CPA6: variants seen among roughly 807,000 people sequenced by gnomAD.
The protein encoded by CPA6 is carboxypeptidase A6.
CPA6 carries 58 observed loss-of-function variants against 63.3 expected under a neutral mutation model. The observed-to-expected ratio is 0.92, with a 90% CI of 0.74 to 1.14. CPA6 has a LOEUF of 1.14. Ranked by LOEUF, CPA6 falls within the 50% of genes most tolerant of loss-of-function variation. CPA6 has a pLI of 0.00. For synonymous variants in CPA6, 185 were observed against 179.0 expected, an observed-to-expected ratio of 1.03 and a Z score of -0.27; for missense variants, 565 against 526.6, an observed-to-expected ratio of 1.07 and a Z score of -0.71.
At chr8:67,723,512 G>A (rs754101917) in intron 1 of CPA6, among the ~76,000 whole-genome samples, 1 of 152,122 alleles carries the variant, frequency 6.6e-6, no homozygotes, top group Admixed American at 6.5e-5. Flanking sequence ...TTTCCGAAGA[G>A]GTTATAACAA....
At chr8:67,657,287 G>A (rs910502739) in intron 1 of CPA6, among the ~76,000 whole-genome samples, 3 of 152,180 alleles carry the variant, frequency 2.0e-5, no homozygotes, top group African/African-American at 7.2e-5. Flanking sequence ...CAGCAGACTT[G>A]TGATTGTGAA....
intron 1 of CPA6, among the ~76,000 whole-genome samples, chr8:67,677,342 C>CTT (rs35049117): frequency 0.16 from 20,353 of 128,186 alleles, 1,813 homozygotes; most frequent in South Asian, 0.31. Flanking sequence ...AAAACACCTT[C>CTT]TTTTTTTTTT....
intron 1 of CPA6, among the ~76,000 whole-genome samples, chr8:67,685,472 A>G (rs1816691339): frequency 6.6e-6 from 1 of 152,122 alleles, no homozygotes. Context: ...AAAAAAAATT[A>G]GCCGGGCATG....
intron 2 of CPA6, among the ~76,000 whole-genome samples, chr8:67,597,455 A>C (rs753179041): frequency 3.6e-4 from 54 of 151,960 alleles, no homozygotes; most frequent in Non-Finnish European, 5.3e-4. Context: ...CGGCCTCCTA[A>C]AGCGCTGGGA....
intron 1 of CPA6, among the ~76,000 whole-genome samples, chr8:67,669,424 A>C (rs1816297129): frequency 1.3e-5 from 2 of 152,228 alleles, no homozygotes; most frequent in South Asian, 4.1e-4. Flanking sequence ...CAAATTATAC[A>C]TGCTCACCCA....
intron 2 of CPA6, among the ~76,000 whole-genome samples, chr8:67,552,797 A>G (rs1030721748): frequency 2.7e-4 from 41 of 149,870 alleles, no homozygotes; most frequent in African/African-American, 9.0e-4. Context: ...AAAAAAAAAA[A>G]AAAAGAAAAG....
intron 9 of CPA6, 38 bp from the exon 10 acceptor site, chr8:67,428,169 A>T (rs1809938487): frequency 7.7e-7 from 1 of 1,306,092 alleles, no homozygotes; most frequent in East Asian, 2.3e-5. Flanking sequence ...ATATTGTTGC[A>T]TTGAAACTTT....
At chr8:67,604,746 A>T (rs1814584408) in intron 2 of CPA6, among the ~76,000 whole-genome samples, 1 of 152,144 alleles carries the variant, frequency 6.6e-6, no homozygotes, top group Non-Finnish European at 1.5e-5. Flanking sequence ...AGATTAGAGA[A>T]AAATCTGTGG....
chr8:67,687,275 G>A (rs1467009461), intron 1 of CPA6, among the ~76,000 whole-genome samples: 1 of 152,174 alleles, frequency 6.6e-6, no homozygotes, highest in Non-Finnish European at 1.5e-5. Flanking sequence ...AGCCAACCAG[G>A]ATGGTTGGTC....
intron 1 of CPA6, among the ~76,000 whole-genome samples, chr8:67,653,102 C>T (rs1815887852): frequency 6.6e-6 from 1 of 151,948 alleles, no homozygotes; most frequent in Non-Finnish European, 1.5e-5. Flanking sequence ...TGATCTATAT[C>T]TCTGTTTTGG....
chr8:67,559,923 G>T (rs1006995282), intron 2 of CPA6, among the ~76,000 whole-genome samples: 3 of 151,342 alleles, frequency 2.0e-5, no homozygotes, highest in Non-Finnish European at 4.4e-5. Flanking sequence ...AGGCCCCAAG[G>T]AGCTCTCATG....
intron 2 of CPA6, among the ~76,000 whole-genome samples, chr8:67,546,891 T>C (rs11781776): frequency 0.99 from 150,925 of 152,120 alleles, 74,874 homozygotes; most frequent in East Asian, 1. Context: ...AGTAGCACAT[T>C]ACAGCTCACG....
chr8:67,690,322 T>C (rs1816790791), intron 1 of CPA6, among the ~76,000 whole-genome samples: 1 of 152,198 alleles, frequency 6.6e-6, no homozygotes, highest in Non-Finnish European at 1.5e-5. Context: ...AAGATGTCGA[T>C]GGCAACAGAA....
chr8:67,464,751 A>G (rs1377786751), intron 8 of CPA6, among the ~76,000 whole-genome samples: 2 of 152,216 alleles, frequency 1.3e-5, no homozygotes, highest in African/African-American at 2.4e-5. Context: ...TCTCAGCATC[A>G]TTTATTGAAT....
At chr8:67,673,079 A>G (rs540601097) in intron 1 of CPA6, among the ~76,000 whole-genome samples, 1 of 152,166 alleles carries the variant, frequency 6.6e-6, no homozygotes, top group South Asian at 2.1e-4. Context: ...AGAAATATAC[A>G]AAGATGAACT....
rs763437474 is a variant in CPA6, at chr8:67,506,888, G to T, written c.535C>A (p.Leu179Met). ...YEGRSLFILK[L>M]GRRSRLKRAV... is the part of the protein sequence containing the mutation. ...CTTTTGAGTCGTGATCGTCTGCCCA[G>T]CTGAAAACAAGAGCATTCACAGTAA... Residue 179 changes from leucine to methionine, a missense_variant and splice_region_variant, in exon 6 of 11, where the codon CTG becomes ATG. Coordinates refer to ENST00000297770, the MANE Select transcript of CPA6 (RefSeq NM_020361.5). 3.7e-6 allele frequency: 6 copies of T among 1,610,852 alleles called. No homozygotes were observed. In the Admixed American group the frequency reaches 1.0e-4, roughly 27 times the overall value.
At chr8:67,444,209 C>G (rs571458990) in intron 8 of CPA6, among the ~76,000 whole-genome samples, 1 of 151,790 alleles carries the variant, frequency 6.6e-6, no homozygotes. Flanking sequence ...AGCTTGGTCT[C>G]GATCTCCCGA....
intron 1 of CPA6, among the ~76,000 whole-genome samples, chr8:67,651,632 G>A (rs901724247): frequency 6.6e-6 from 1 of 151,926 alleles, no homozygotes; most frequent in African/African-American, 2.4e-5. Flanking sequence ...TTTGGTTTCG[G>A]TTTTCCTTAC....
intron 2 of CPA6, among the ~76,000 whole-genome samples, chr8:67,548,395 A>G (rs1812869664): frequency 6.6e-6 from 1 of 151,244 alleles, no homozygotes; most frequent in Non-Finnish European, 1.5e-5. Context: ...GGGACTACAG[A>G]CACGTGCCAC....
Sources: allele counts gnomAD v4.1 joint callset (sites outside exome capture counted in the v4.1 genomes callset), GRCh38; gene constraint gnomAD v4.1.1; transcripts MANE v1.5; gene names NCBI Gene and HGNC (gene_info 2026-07-23, HGNC 2026-07-21).